HS6ST2: variants seen among roughly 807,000 people sequenced by gnomAD.
The protein encoded by HS6ST2 is heparan-sulfate 6-O-sulfotransferase 2.
In HS6ST2, 17 loss-of-function variants were observed where a neutral mutation model predicts 33.0. That is an observed-to-expected ratio of 0.52 (90% CI 0.35 to 0.77). The LOEUF is 0.77. Ranked by LOEUF, HS6ST2 falls within the 30% of genes least tolerant of loss-of-function variation. HS6ST2 has a pLI of 0.01. For synonymous variants in HS6ST2, 248 were observed against 237.1 expected (o/e 1.05, Z -0.42); for missense variants, 519 against 551.7 (o/e 0.94, Z 0.59).
chrX:132,749,968 T>G (rs1318155648), intron 2 of HS6ST2, among the ~76,000 whole-genome samples: 1 of 111,286 alleles, frequency 9.0e-6, no homozygotes, highest in Non-Finnish European at 1.9e-5. Flanking sequence ...TAATGAAGTT[T>G]CAGCACGCAG....
intron 2 of HS6ST2, among the ~76,000 whole-genome samples, chrX:132,823,770 G>A (rs1331881446): frequency 3.9e-5 from 4 of 103,382 alleles, no homozygotes; most frequent in Non-Finnish European, 7.8e-5. Context: ...AAAATCACTT[G>A]AACCCAGGAG....
At position 132,912,691 on chromosome X, in the gene HS6ST2, C is replaced by T. The variant is rs748487922; in HGVS notation, c.947+44117G>A. 8.0e-5 allele frequency among the ~76,000 whole-genome samples: 9 copies of T among 112,148 alleles called. No individual in the cohort carries two copies. The Middle Eastern group carries it at 0.014, about 174-fold the overall frequency. ...CCCAACTCATGGCTCAGATGGGGCTCTATTCTGCTTTTGCTCCTGCCTCTG... is the reference window on the plus strand; with the variant it reads ...CCCAACTCATGGCTCAGATGGGGCTTTATTCTGCTTTTGCTCCTGCCTCTG... On this transcript the variant is annotated intron_variant, in intron 2 of 4. Transcript: ENST00000370833.
At chrX:132,871,860 C>T (rs1194998789) in intron 2 of HS6ST2, among the ~76,000 whole-genome samples, 1 of 111,044 alleles carries the variant, frequency 9.0e-6, no homozygotes, top group African/African-American at 3.3e-5. Context: ...AGCAAACCAC[C>T]ATGGCATGTG....
intron 2 of HS6ST2, among the ~76,000 whole-genome samples, chrX:132,789,574 A>T (rs180893179): frequency 1.0e-3 from 113 of 112,318 alleles, no homozygotes; most frequent in African/African-American, 3.5e-3. Flanking sequence ...AAGTCTTATC[A>T]TTTAATAAAT....
chrX:132,757,584 A>C (rs910360271), intron 2 of HS6ST2, among the ~76,000 whole-genome samples: 1 of 105,942 alleles, frequency 9.4e-6, no homozygotes, highest in South Asian at 4.1e-4. Flanking sequence ...GGGGAGCTCC[A>C]AGTGGGAGCT....
chrX:132,783,237 A>C (rs767201602), intron 2 of HS6ST2, among the ~76,000 whole-genome samples: 1 of 111,824 alleles, frequency 8.9e-6, no homozygotes, highest in African/African-American at 3.2e-5. Context: ...TGGGTGAATG[A>C]ATACCCTGGT....
chrX:132,760,653 G>A (rs1476135445), intron 2 of HS6ST2, among the ~76,000 whole-genome samples: 2 of 111,696 alleles, frequency 1.8e-5, no homozygotes, highest in Non-Finnish European at 3.8e-5. Context: ...GTACAACTGT[G>A]TGTATACATG....
rs989389179 is a variant in HS6ST2, at chrX:132,772,697, ATGAT to A, written c.948-64207_948-64204del. On this transcript the variant is annotated intron_variant, in intron 2 of 4. Transcript: ENST00000370833. ...ATTGTATACAATATAATTAACTGTAATGATTAATATACAATATATAAAAATATAG... is the reference window on the plus strand; with the variant it reads ...ATTGTATACAATATAATTAACTGTAATAATATACAATATATAAAAATATAG... Among the ~76,000 whole-genome samples, 7 of 96,862 alleles carry A rather than the reference ATGAT, an allele frequency of 7.2e-5. No homozygotes were observed. In the South Asian group the frequency reaches 1.8e-3, roughly 24 times the overall value. The allele number at this position is 96,862 out of a possible 115,157, so 84.1% of individuals were successfully genotyped here.
At chrX:132,942,390 G>A (rs2066896349) in intron 2 of HS6ST2, among the ~76,000 whole-genome samples, 1 of 111,469 alleles carries the variant, frequency 9.0e-6, no homozygotes. Flanking sequence ...ATGCCTGCCA[G>A]GCTGGTAGGC....
chrX:132,813,976 G>A (rs1032440597), intron 2 of HS6ST2, among the ~76,000 whole-genome samples: 3 of 111,177 alleles, frequency 2.7e-5, no homozygotes, highest in African/African-American at 3.3e-5. Context: ...ATGGAGTCTC[G>A]CTCTGTCGCC....
chrX:132,747,560 G>A (rs749324984), intron 2 of HS6ST2, among the ~76,000 whole-genome samples: 1 of 110,775 alleles, frequency 9.0e-6, no homozygotes, highest in African/African-American at 3.3e-5. Flanking sequence ...CTAGAAGAAA[G>A]AACCCTGAGT....
chrX:132,808,606 T>A (rs1025682548), intron 2 of HS6ST2: 2 of 112,231 alleles, frequency 1.8e-5, no homozygotes, highest in Non-Finnish European at 1.9e-5. Flanking sequence ...GGGGTCAAGA[T>A]CAAATTCCTA....
chrX:132,669,901 G>T (rs1395580626), intron 3 of HS6ST2: 1 of 112,435 alleles, frequency 8.9e-6, no homozygotes, highest in Non-Finnish European at 1.9e-5. Flanking sequence ...TAAACAAAAA[G>T]GAATAATTGA....
intron 2 of HS6ST2, among the ~76,000 whole-genome samples, chrX:132,732,270 T>C (rs1838123888): frequency 8.9e-6 from 1 of 111,865 alleles, no homozygotes; most frequent in Non-Finnish European, 1.9e-5. Flanking sequence ...CAAGGTTGCC[T>C]TTATCAAAGC....
Position 132,788,653 on chromosome X carries a change from A to G in HS6ST2, c.948-80159T>C, listed in dbSNP as rs746400217. On this transcript the variant is annotated intron_variant, in intron 2 of 4. Coordinates refer to ENST00000370833, the MANE Select transcript of HS6ST2 (RefSeq NM_001394073.1). ...AGTCTGAAAACTAGGCCTCTTGGTAAAAGCTAGGCCTCTTGTGCCAAACAG... is the reference window on the plus strand; with the variant it reads ...AGTCTGAAAACTAGGCCTCTTGGTAGAAGCTAGGCCTCTTGTGCCAAACAG... 2.0e-3 allele frequency among the ~76,000 whole-genome samples: 221 copies of G among 112,942 alleles called. 1 individual carries two copies. Among genetic ancestry groups the G allele is most frequent in the African/African-American group, 6.9e-3 (216 of 31,152 alleles).
intron 2 of HS6ST2, among the ~76,000 whole-genome samples, chrX:132,938,226 G>A (rs764899032): frequency 1.0e-4 from 11 of 106,480 alleles, no homozygotes; most frequent in Non-Finnish European, 1.2e-4. Flanking sequence ...AAGAGATGCA[G>A]AATAATCATG....
intron 2 of HS6ST2, among the ~76,000 whole-genome samples, chrX:132,750,080 T>C (rs2064686628): frequency 9.1e-6 from 1 of 110,273 alleles, no homozygotes; most frequent in East Asian, 2.8e-4. Context: ...ACCCCCCAGC[T>C]TCCTTCTTGA....
At chrX:132,958,646 C>T, upstream of HS6ST2, 2 of 1,074,910 alleles carry the variant, frequency 1.9e-6, no homozygotes, top group South Asian at 2.2e-5. Context: ...CACGAGCGAG[C>T]TTGAATTTAT....
At position 132,654,371 on chromosome X, in the gene HS6ST2, T is replaced by G. The variant is rs184358462; in HGVS notation, c.1067+14742A>C. 1.4e-4 allele frequency among the ~76,000 whole-genome samples: 16 copies of G among 111,373 alleles called. No individual in the cohort carries two copies. In the East Asian group the frequency reaches 4.5e-3, roughly 31 times the overall value. On this transcript the variant is annotated intron_variant, in intron 4 of 4. Transcript: ENST00000370833. The stretch of plus-strand genomic sequence containing the variant: ...TACTCTCAGGTATAATTTCTCAGAT[T>G]CAGAAAGGCAGGGACAAGCAGTAGG...
Sources: allele counts gnomAD v4.1 joint callset (sites outside exome capture counted in the v4.1 genomes callset), GRCh38; gene constraint gnomAD v4.1.1; transcripts MANE v1.5; gene names NCBI Gene and HGNC (gene_info 2026-07-23, HGNC 2026-07-21).